The following RALYL variants were observed in gnomAD, a reference collection of about 807,000 sequenced individuals.
RALYL encodes the protein RALY RNA binding protein like, also known as RNA-binding Raly-like protein.
RALYL carries 29 observed loss-of-function variants against 35.1 expected under a neutral mutation model. The observed-to-expected ratio is 0.83, with a 90% CI of 0.61 to 1.13. RALYL has a LOEUF of 1.13. Among genes scored for constraint, RALYL ranks in the 50% most tolerant of loss-of-function variants. RALYL has a pLI of 0.00. For missense variants in RALYL, 359 were observed against 360.4 expected (o/e 1.00, Z 0.03); for synonymous variants, 120 against 127.6 (o/e 0.94, Z 0.40).
chr8:84,542,660 A>T (rs1038047382), intron 2 of RALYL, among the ~76,000 whole-genome samples: 9 of 152,124 alleles, frequency 5.9e-5, no homozygotes, highest in African/African-American at 2.2e-4. Flanking sequence ...AAGTTTCCTG[A>T]GGCTTCCCCA....
intron 2 of RALYL, among the ~76,000 whole-genome samples, chr8:84,588,758 CA>C (rs1812551424): frequency 6.6e-6 from 1 of 152,214 alleles, no homozygotes; most frequent in African/African-American, 2.4e-5. Context: ...GAACCACAGC[CA>C]GACCTCAAAT....
intron 1 of RALYL, among the ~76,000 whole-genome samples, chr8:84,507,604 G>T (rs2057282485): frequency 6.6e-6 from 1 of 152,088 alleles, no homozygotes; most frequent in Non-Finnish European, 1.5e-5. Flanking sequence ...GTTTTTGTTT[G>T]CTCCTTGTTG....
At chr8:84,610,577 G>A (rs955121334) in intron 2 of RALYL, among the ~76,000 whole-genome samples, 5 of 151,926 alleles carry the variant, frequency 3.3e-5, no homozygotes, top group African/African-American at 1.2e-4. Context: ...TTTGTGTATT[G>A]TGCTCTTTGA....
At chr8:84,267,303 C>T (rs1196063948) in intron 1 of RALYL, among the ~76,000 whole-genome samples, 2 of 152,070 alleles carry the variant, frequency 1.3e-5, no homozygotes, top group Non-Finnish European at 2.9e-5. Context: ...ATTTTGATCC[C>T]GATTGTAAAC....
At position 84,247,649 on chromosome 8, in the gene RALYL, G is replaced by C. The variant is rs765930963; in HGVS notation, c.-24+63225G>C. 6.6e-5 allele frequency among the ~76,000 whole-genome samples: 10 copies of C among 151,926 alleles called. 1 individual carries two copies. The highest frequency in any genetic ancestry group is 4.4e-5 in the Non-Finnish European group (3 of 67,960). On this transcript the variant is annotated intron_variant, in intron 1 of 8. Transcript: ENST00000521268. ...AATAAATCTGTTTGGTTTAGTTTTGGTTATTCTAAATTCTATTCTAAAAAG... is the reference window on the plus strand; with the variant it reads ...AATAAATCTGTTTGGTTTAGTTTTGCTTATTCTAAATTCTATTCTAAAAAG...
At chr8:84,905,550 C>T (rs1846346680) in intron 8 of RALYL, among the ~76,000 whole-genome samples, 1 of 152,068 alleles carries the variant, frequency 6.6e-6, no homozygotes, top group Non-Finnish European at 1.5e-5. Flanking sequence ...CAACAGTGTG[C>T]AAGCATTCCA....
At chr8:84,788,043 T>C (rs1586261152) in intron 3 of RALYL, among the ~76,000 whole-genome samples, 1 of 152,232 alleles carries the variant, frequency 6.6e-6, no homozygotes, top group Non-Finnish European at 1.5e-5. Context: ...TTTGTTAATG[T>C]TGGCTTTTGT....
At chr8:84,700,992 G>C (rs1177739581) in intron 2 of RALYL, among the ~76,000 whole-genome samples, 1 of 152,152 alleles carries the variant, frequency 6.6e-6, no homozygotes. Context: ...TGTTTCAAAA[G>C]AAGGAAGAAT....
intron 8 of RALYL, among the ~76,000 whole-genome samples, chr8:84,897,225 G>A (rs117522185): frequency 1.1e-4 from 16 of 152,250 alleles, no homozygotes; most frequent in African/African-American, 3.6e-4. Context: ...GTAAATTGCC[G>A]CTGTTATCAT....
chr8:84,386,259 A>T (rs1199809280), intron 1 of RALYL, among the ~76,000 whole-genome samples: 2 of 151,828 alleles, frequency 1.3e-5, no homozygotes, highest in African/African-American at 4.8e-5. Context: ...CTTTCCTACC[A>T]TATTTTGCTA....
intron 1 of RALYL, among the ~76,000 whole-genome samples, chr8:84,376,584 G>A (rs1856957929): frequency 1.3e-5 from 2 of 151,762 alleles, no homozygotes; most frequent in South Asian, 4.1e-4. Flanking sequence ...TACTTGGCAA[G>A]TTGTCAAAAC....
At chr8:84,575,742 A>T (rs1809238209) in intron 2 of RALYL, among the ~76,000 whole-genome samples, 1 of 152,116 alleles carries the variant, frequency 6.6e-6, no homozygotes. Flanking sequence ...AAATTAAGGT[A>T]AGTGATTTTG....
chr8:84,561,176 C>G (rs548525829), intron 2 of RALYL, among the ~76,000 whole-genome samples: 59 of 151,968 alleles, frequency 3.9e-4, no homozygotes, highest in Admixed American at 6.6e-5. Flanking sequence ...CATATGCTGC[C>G]TACTACATTT....
chr8:84,436,212 A>G (rs773669404), intron 1 of RALYL, among the ~76,000 whole-genome samples: 3 of 152,158 alleles, frequency 2.0e-5, no homozygotes, highest in Non-Finnish European at 4.4e-5. Flanking sequence ...TGGATGACTA[A>G]GAGCCCTACT....
At chr8:84,331,263 A>G (rs1189145835) in intron 1 of RALYL, among the ~76,000 whole-genome samples, 2 of 152,056 alleles carry the variant, frequency 1.3e-5, no homozygotes, top group East Asian at 3.8e-4. Context: ...GAGTTGTTGC[A>G]TTGATAACAA....
intron 3 of RALYL, among the ~76,000 whole-genome samples, chr8:84,800,861 A>G (rs1244505044): frequency 6.6e-6 from 1 of 152,136 alleles, no homozygotes; most frequent in Non-Finnish European, 1.5e-5. Flanking sequence ...CATTTCAAGC[A>G]GTTTCAGACT....
chr8:84,573,765 G>T (rs961306266), intron 2 of RALYL, among the ~76,000 whole-genome samples: 3 of 151,646 alleles, frequency 2.0e-5, no homozygotes, highest in Non-Finnish European at 4.4e-5. Flanking sequence ...TATTTTCTCT[G>T]ATCTCTTTTG....
intron 1 of RALYL, among the ~76,000 whole-genome samples, chr8:84,203,870 A>G (rs1302048714): frequency 6.6e-6 from 1 of 152,082 alleles, no homozygotes. Flanking sequence ...GGATGAAAAA[A>G]ACATCATCCC....
At chr8:84,420,025 T>C (rs2045309274) in intron 1 of RALYL, among the ~76,000 whole-genome samples, 1 of 151,266 alleles carries the variant, frequency 6.6e-6, no homozygotes, top group Admixed American at 6.6e-5. Context: ...TGTGTCTTTA[T>C]AGCAGCATGA....
Sources: gnomAD v4.1 joint callset for allele counts (sites outside exome capture counted in the v4.1 genomes callset) on GRCh38, gnomAD v4.1.1 for gene constraint, MANE v1.5 for transcripts, NCBI Gene and HGNC (gene_info 2026-07-23, HGNC 2026-07-21) for gene names.